The following AGBL3 variants were observed in gnomAD, a reference collection of about 807,000 sequenced individuals.
AGBL3 encodes the protein cytosolic carboxypeptidase 3.
In AGBL3, 68 loss-of-function variants were observed where a neutral mutation model predicts 94.5. The observed-to-expected ratio is 0.72, with a 90% CI of 0.59 to 0.88. The LOEUF (loss-of-function observed/expected upper bound fraction) is 0.88, where lower values mean the gene tolerates loss of function less well. AGBL3 is among the 40% of genes least tolerant of loss of function. The pLI is 0.00. For synonymous variants in AGBL3, 354 were observed against 370.7 expected, an observed-to-expected ratio of 0.95 and a Z score of 0.52; for missense variants, 934 against 1,103.8, an observed-to-expected ratio of 0.85 and a Z score of 2.18.
intron 15 of AGBL3, among the ~76,000 whole-genome samples, chr7:135,110,502 C>A (rs1470836877): frequency 1.3e-5 from 2 of 152,094 alleles, no homozygotes; most frequent in Non-Finnish European, 2.9e-5. Flanking sequence ...CATGAGAAGA[C>A]CTCCTGACCT....
At chr7:134,987,636 T>C (rs554569195) in intron 1 of AGBL3, among the ~76,000 whole-genome samples, 3 of 152,366 alleles carry the variant, frequency 2.0e-5, no homozygotes, top group African/African-American at 7.2e-5. Context: ...CTGTATACTC[T>C]GGAAATTCCT....
At chr7:134,989,358 G>A in intron 3 of AGBL3, 48 bp downstream of exon 3, 1 of 1,287,646 alleles carries the variant, frequency 7.8e-7, no homozygotes, top group Non-Finnish European at 1.1e-6. Flanking sequence ...ACTTTGAATG[G>A]ATAAAAAAGA....
intron 12 of AGBL3, among the ~76,000 whole-genome samples, chr7:135,069,389 C>A (rs1819667971): frequency 2.0e-5 from 3 of 152,232 alleles, no homozygotes; most frequent in Admixed American, 1.3e-4. Flanking sequence ...CAGACATCTA[C>A]AGAACTCTCC....
At chr7:135,121,386 C>T (rs570981444) in intron 16 of AGBL3, among the ~76,000 whole-genome samples, 2 of 152,242 alleles carry the variant, frequency 1.3e-5, no homozygotes, top group South Asian at 4.1e-4. Flanking sequence ...CATCCAACAA[C>T]AGCACAGTAC....
At chr7:135,115,669 A>T in intron 16 of AGBL3, 58 bp downstream of exon 16, 1 of 1,336,044 alleles carries the variant, frequency 7.5e-7, no homozygotes, top group Non-Finnish European at 1.0e-6. Flanking sequence ...TTAAAAAAGC[A>T]GGGCTTATTA....
intron 9 of AGBL3, 69 bp downstream of exon 9, chr7:135,044,220 G>GT: frequency 4.9e-6 from 7 of 1,442,404 alleles, no homozygotes; most frequent in Non-Finnish European, 6.4e-6. Flanking sequence ...TAATGTAAAT[G>GT]TAACAGTACA....
rs931055680 is a variant in AGBL3, at chr7:135,080,904, T to G, written c.2038+644T>G. On this transcript the variant is annotated intron_variant, in intron 14 of 16. Transcript: ENST00000436302. The stretch of plus-strand genomic sequence containing the variant: ...TATATTAATTTATTGTACATTTTTA[T>G]CTACCTATTTCCCAAAAGGATTTGA... 2.0e-5 allele frequency among the ~76,000 whole-genome samples: 3 copies of G among 149,758 alleles called. No homozygotes were observed. In the Admixed American group the frequency reaches 2.0e-4, roughly 10 times the overall value.
At chr7:135,062,222 G>T (rs935959698) in intron 12 of AGBL3, among the ~76,000 whole-genome samples, 7 of 151,918 alleles carry the variant, frequency 4.6e-5, no homozygotes, top group African/African-American at 1.7e-4. Context: ...ACTTTGTATA[G>T]AATCACTACT....
At chr7:135,083,481 T>G (rs1378885357) in intron 15 of AGBL3, among the ~76,000 whole-genome samples, 1 of 152,064 alleles carries the variant, frequency 6.6e-6, no homozygotes, top group Admixed American at 6.6e-5. Flanking sequence ...AAACTTTCTC[T>G]CTCTCTCTAT....
At chr7:135,030,558 T>C (rs1185428869) in intron 5 of AGBL3, among the ~76,000 whole-genome samples, 1 of 152,184 alleles carries the variant, frequency 6.6e-6, no homozygotes, top group Non-Finnish European at 1.5e-5. Context: ...TTGGTTATCT[T>C]AATATTTATC....
chr7:135,033,043 G>A, intron 6 of AGBL3, 61 bp downstream of exon 6: 1 of 1,394,182 alleles, frequency 7.2e-7, no homozygotes, highest in Non-Finnish European at 9.5e-7. Flanking sequence ...TCTGTATCAA[G>A]TACATTAAAG....
At chr7:135,119,986 A>G (rs1373693695) in intron 16 of AGBL3, among the ~76,000 whole-genome samples, 1 of 152,260 alleles carries the variant, frequency 6.6e-6, no homozygotes, top group Non-Finnish European at 1.5e-5. Flanking sequence ...ACAAAGCACA[A>G]TAATTTTAAT....
At chr7:135,065,034 C>T (rs1408626735) in intron 12 of AGBL3, among the ~76,000 whole-genome samples, 1 of 152,050 alleles carries the variant, frequency 6.6e-6, no homozygotes, top group Non-Finnish European at 1.5e-5. Flanking sequence ...GTTAAAATGA[C>T]CATAGAAATC....
At position 135,081,733 on chromosome 7, in the gene AGBL3, G is replaced by A. The variant is rs1820937846; in HGVS notation, c.2053G>A (p.Glu685Lys). 2 of 1,540,306 alleles carry A rather than the reference G, an allele frequency of 1.3e-6. No individual in the cohort carries two copies. Among genetic ancestry groups the A allele is most frequent in the Non-Finnish European group, 1.8e-6 (2 of 1,139,074 alleles). ...NSDVKDTRPNEPDDYMVDYFR... is the reference protein window; with the variant it reads ...NSDVKDTRPNKPDDYMVDYFR... ...ATCTTCTCTAGATACAAGGCCAAAT[G>A]AACCAGATGATTATATGGTTGATTA... The change falls in exon 15 of 17, where the codon GAA becomes AAA. Residue 685 changes from glutamate (E) to lysine (K), a missense_variant. Physicochemically the swap from Glu to Lys is moderately conservative, Grantham distance 56. This residue lies in a region of AGBL3 where 441 missense variants were observed against 518.2 expected (regional missense o/e 0.85). Coordinates refer to ENST00000436302, the MANE Select transcript of AGBL3 (RefSeq NM_178563.4).
chr7:135,088,442 C>A (rs1186692236), intron 15 of AGBL3, among the ~76,000 whole-genome samples: 4 of 151,902 alleles, frequency 2.6e-5, no homozygotes, highest in South Asian at 2.1e-4. Context: ...AGGTTTAATT[C>A]TTTTCTCTCT....
chr7:135,111,311 A>G (rs1825609952), intron 15 of AGBL3, among the ~76,000 whole-genome samples: 1 of 152,150 alleles, frequency 6.6e-6, no homozygotes, highest in African/African-American at 2.4e-5. Flanking sequence ...GCCAACATTC[A>G]TTACCTTCAC....
chr7:135,066,289 C>T (rs1213918236), intron 12 of AGBL3, among the ~76,000 whole-genome samples: 1 of 152,076 alleles, frequency 6.6e-6, no homozygotes, highest in African/African-American at 2.4e-5. Context: ...GCAAAAGAAC[C>T]CACTAAGCTG....
chr7:135,019,161 A>C (rs1033525629), intron 5 of AGBL3, among the ~76,000 whole-genome samples: 1 of 151,978 alleles, frequency 6.6e-6, no homozygotes, highest in East Asian at 1.9e-4. Flanking sequence ...ATGTTAGCAG[A>C]CTCTTTTATA....
chr7:135,043,131 A>G (rs921821683), intron 8 of AGBL3, among the ~76,000 whole-genome samples: 7 of 152,108 alleles, frequency 4.6e-5, no homozygotes, highest in African/African-American at 1.7e-4. Context: ...CCTTCCTATA[A>G]CTTTTTTAAA....
Sources: allele counts gnomAD v4.1 joint callset (sites outside exome capture counted in the v4.1 genomes callset), GRCh38; gene constraint gnomAD v4.1.1; regional missense constraint gnomAD v4.1.1; transcripts MANE v1.5; gene names NCBI Gene and HGNC (gene_info 2026-07-23, HGNC 2026-07-21).